RHOT1: variants seen among roughly 807,000 people sequenced by gnomAD.
RHOT1 encodes ras homolog family member T1.
Under a neutral mutation model 95.3 loss-of-function variants are expected in RHOT1, and 27 were observed. The observed-to-expected ratio is 0.28, with a 90% CI of 0.21 to 0.39. The LOEUF (loss-of-function observed/expected upper bound fraction) is 0.39. RHOT1 is among the 10% of genes least tolerant of loss of function. The pLI is 1.00. For missense variants in RHOT1, 578 were observed against 786.7 expected, an observed-to-expected ratio of 0.73 and a Z score of 3.17; for synonymous variants, 227 against 263.5, an observed-to-expected ratio of 0.86 and a Z score of 1.34.
In RHOT1 at chr17:32,206,894, C is replaced by T; in HGVS notation, c.1417-16C>T. 6.6e-7 allele frequency: 1 copy of T among 1,523,786 alleles called. No individual in the cohort carries two copies. The highest frequency in any genetic ancestry group is 2.3e-5 in the East Asian group (1 of 44,222). 94.4% of individuals were successfully genotyped at this position (1,523,786 alleles called of 1,614,324 possible). A position where few individuals can be genotyped will look rare whatever the true frequency, so the allele number is the denominator to read the frequency against. ...TTATGATACTTATATTTTTCATTAT[C>T]TTTTTCTTTTACAAGTTGCATGATA... On this transcript the variant is annotated splice_polypyrimidine_tract_variant and intron_variant, in intron 16 of 19. Transcript: ENST00000545287.
At chr17:32,187,271 A>AT (rs1463463511) in intron 8 of RHOT1, among the ~76,000 whole-genome samples, 3 of 152,032 alleles carry the variant, frequency 2.0e-5, no homozygotes, top group African/African-American at 7.2e-5. Flanking sequence ...TGGGCTACAG[A>AT]TTGAGACTCT....
chr17:32,161,997 A>AT (rs1489217860), intron 1 of RHOT1, among the ~76,000 whole-genome samples: 1 of 152,184 alleles, frequency 6.6e-6, no homozygotes, highest in Non-Finnish European at 1.5e-5. Context: ...TTCCTGGTAC[A>AT]TTGACCTGTT....
intron 1 of RHOT1, among the ~76,000 whole-genome samples, chr17:32,169,985 C>G (rs1477591424): frequency 6.6e-6 from 1 of 151,816 alleles, no homozygotes; most frequent in African/African-American, 2.4e-5. Context: ...TGCACTCCAG[C>G]TTGGGCAATC....
chr17:32,172,268 G>A (rs59334751), intron 2 of RHOT1, among the ~76,000 whole-genome samples: 146 of 152,060 alleles, frequency 9.6e-4, no homozygotes, highest in African/African-American at 3.5e-3. Context: ...ATAAGTAATT[G>A]CTTAATTTAA....
At chr17:32,167,540 G>A (rs541742815) in intron 1 of RHOT1, among the ~76,000 whole-genome samples, 56 of 152,188 alleles carry the variant, frequency 3.7e-4, no homozygotes, top group African/African-American at 1.1e-3. Context: ...GATTACAGGC[G>A]TGAGCCACCA....
chr17:32,200,866 G>A lies in RHOT1; in HGVS notation c.1101-90G>A, dbSNP rs1205764694. The stretch of plus-strand genomic sequence containing the variant: ...TCTAGACAAAAATTATCTAGGTCTG[G>A]TGCATAAAGTTTTTTTAGCTATTGG... On this transcript the variant is annotated intron_variant, in intron 13 of 19. Coordinates refer to ENST00000545287, the MANE Select transcript of RHOT1 (RefSeq NM_001033566.3). 3 of 840,472 alleles carry A rather than the reference G, an allele frequency of 3.6e-6. No homozygotes were observed. In the Admixed American group the frequency reaches 6.0e-5, roughly 17 times the overall value. The allele number at this position is 840,472 out of a possible 1,614,324, so 52.1% of individuals were successfully genotyped here.
At chr17:32,170,518 T>C (rs1415250315) in intron 1 of RHOT1, among the ~76,000 whole-genome samples, 2 of 152,370 alleles carry the variant, frequency 1.3e-5, no homozygotes, top group South Asian at 2.1e-4. Flanking sequence ...TAACTGTAAG[T>C]ATACAATTCA....
In RHOT1 at chr17:32,142,965, C is replaced by T. The variant is rs975271214; in HGVS notation, c.37+236C>T. 16 of 714,962 alleles carry T rather than the reference C, an allele frequency of 2.2e-5. No individual in the cohort carries two copies. The African/African-American group carries it at 2.6e-4, about 12-fold the overall frequency. The allele number at this position is 714,962 out of a possible 1,614,324, so 44.3% of individuals were successfully genotyped here. Reference sequence around the variant, plus strand: ...CTCACCTGGGCCCTCCAGAGATCTCCTTTCCCTGTTCCCCAGCCGTCCTCC... The same window carrying T: ...CTCACCTGGGCCCTCCAGAGATCTCTTTTCCCTGTTCCCCAGCCGTCCTCC... On this transcript the variant is annotated intron_variant, in intron 1 of 19. Coordinates refer to ENST00000545287, the MANE Select transcript of RHOT1 (RefSeq NM_001033566.3).
At chr17:32,186,685 A>T (rs929401490) in intron 8 of RHOT1, among the ~76,000 whole-genome samples, 3 of 151,496 alleles carry the variant, frequency 2.0e-5, no homozygotes, top group Non-Finnish European at 4.4e-5. Context: ...TTTTAAAGAG[A>T]CAGGGTCTCA....
At chr17:32,180,587 C>T (rs2035547781) in intron 6 of RHOT1, among the ~76,000 whole-genome samples, 1 of 150,108 alleles carries the variant, frequency 6.7e-6, no homozygotes, top group Admixed American at 6.6e-5. Context: ...ATCCTATGAC[C>T]CTGCCACATC....
intron 8 of RHOT1, among the ~76,000 whole-genome samples, chr17:32,191,990 AG>A (rs1026765210): frequency 6.6e-6 from 1 of 152,200 alleles, no homozygotes; most frequent in Non-Finnish European, 1.5e-5. Context: ...TGTGGTCTTA[AG>A]GGGAGAGCTT....
At chr17:32,183,933 G>T (rs2035835303) in intron 8 of RHOT1, among the ~76,000 whole-genome samples, 1 of 152,182 alleles carries the variant, frequency 6.6e-6, no homozygotes, top group South Asian at 2.1e-4. Context: ...TGATCCGCCT[G>T]CCTGGGCCTC....
At chr17:32,218,685 G>A (rs1265949402) in intron 19 of RHOT1, among the ~76,000 whole-genome samples, 3 of 148,716 alleles carry the variant, frequency 2.0e-5, no homozygotes, top group Admixed American at 6.7e-5. Context: ...ATGGTAGCAC[G>A]CACTTGGGGT....
chr17:32,188,611 A>T (rs777432550), intron 8 of RHOT1, among the ~76,000 whole-genome samples: 7 of 152,286 alleles, frequency 4.6e-5, no homozygotes, highest in Middle Eastern at 3.4e-3. Context: ...CTAACTTCAA[A>T]CCCCAACAAA....
intron 1 of RHOT1, among the ~76,000 whole-genome samples, chr17:32,166,254 A>C (rs541955326): frequency 7.0e-6 from 1 of 142,832 alleles, no homozygotes; most frequent in Non-Finnish European, 1.5e-5. Flanking sequence ...TGTAATATCT[A>C]AAAAATGTAC....
At position 32,176,364 on chromosome 17, in the gene RHOT1, G is replaced by A. The variant is rs911822155; in HGVS notation, c.329+151G>A. 20 of 640,996 alleles carry A rather than the reference G, an allele frequency of 3.1e-5. No individual in the cohort carries two copies. In the East Asian group the frequency reaches 5.5e-4, roughly 18 times the overall value. 39.7% of individuals were successfully genotyped at this position (640,996 alleles called of 1,614,324 possible). On this transcript the variant is annotated intron_variant, in intron 6 of 19. Coordinates refer to ENST00000545287, the MANE Select transcript of RHOT1 (RefSeq NM_001033566.3). ...GTTTGCCTTATCTATCAGTTTTTCT[G>A]TCTGTTCATACACACACCCACGTGC...
In RHOT1 at chr17:32,202,862, A is replaced by G. The variant is rs1288468034; in HGVS notation, c.1294A>G (p.Ser432Gly). 6.2e-7 allele frequency: 1 copy of G among 1,613,480 alleles called. No homozygotes were observed. Residue 432 changes from serine (S) to glycine (G), a missense_variant, in exon 15 of 20, where the codon AGT (serine) becomes GGT (glycine). By Grantham distance (56) the Ser-to-Gly change is moderately conservative (BLOSUM62 0). This residue lies in a region of RHOT1 where 296 missense variants were observed against 338.5 expected (regional missense o/e 0.87). Coordinates refer to ENST00000545287, the MANE Select transcript of RHOT1 (RefSeq NM_001033566.3). ...AATTGGAGTGAAAAACTGTGGGAAA[A>G]GTGGAGTTCTTCAGGCTCTTCTTGG... is the stretch of plus-strand genomic sequence containing the variant. The part of the protein sequence containing the change: ...NVIGVKNCGK[S>G]GVLQALLGRN...
rs1487778196 is a variant in RHOT1 at position 32,202,788 on chromosome 17, T to C, written c.1220T>C (p.Ile407Thr). The C allele has an allele frequency of 1.3e-6, 2 of 1,591,390 alleles. No individual in the cohort carries two copies. Among genetic ancestry groups the C allele is most frequent in the Non-Finnish European group, 8.6e-7 (1 of 1,164,702 alleles). Residue 407 changes from isoleucine (I) to threonine (T), a missense_variant, in exon 15 of 20, where the codon ATA becomes ACA. Ile to Thr is a moderately conservative substitution (Grantham distance 89, BLOSUM62 -1). Coordinates refer to ENST00000545287, the MANE Select transcript of RHOT1 (RefSeq NM_001033566.3). ...TTTTTAGTGACAAGAGATAAAAAGA[T>C]AGACCTGCAGAAAAAACAAACTCAA... ...SAVTVTRDKKIDLQKKQTQRN... is the reference protein window; with the variant it reads ...SAVTVTRDKKTDLQKKQTQRN...
At chr17:32,170,275 C>T (rs1406361595) in intron 1 of RHOT1, among the ~76,000 whole-genome samples, 1 of 151,938 alleles carries the variant, frequency 6.6e-6, no homozygotes, top group Non-Finnish European at 1.5e-5. Flanking sequence ...ATTAGCTGGA[C>T]GTGGTGACAC....
Sources: gnomAD v4.1 joint callset for allele counts (sites outside exome capture counted in the v4.1 genomes callset) on GRCh38, gnomAD v4.1.1 for gene constraint, gnomAD v4.1.1 regional missense constraint, MANE v1.5 for transcripts, NCBI Gene and HGNC (gene_info 2026-07-23, HGNC 2026-07-21) for gene names.